PSME4: variants seen among roughly 807,000 people sequenced by gnomAD.
The protein encoded by PSME4 is proteasome activator subunit 4, also known as proteasome activator complex subunit 4.
In PSME4, 89 loss-of-function variants were observed where a neutral mutation model predicts 253.9. The observed-to-expected ratio is 0.35, with a 90% CI of 0.30 to 0.42. The LOEUF (loss-of-function observed/expected upper bound fraction) is 0.42, where lower values mean the gene tolerates loss of function less well. Ranked by LOEUF, PSME4 falls within the 10% of genes least tolerant of loss-of-function variation. The probability of loss-of-function intolerance (pLI) is 1.00; values close to 1 mark genes in which losing one functional copy is unlikely to be tolerated. For missense variants in PSME4, 2,014 were observed against 2,195.2 expected, an observed-to-expected ratio of 0.92 and a Z score of 1.65; for synonymous variants, 851 against 759.2, an observed-to-expected ratio of 1.12 and a Z score of -1.99.
chr2:53,882,614 G>GA (rs923392266), intron 41 of PSME4, among the ~76,000 whole-genome samples: 5 of 152,150 alleles, frequency 3.3e-5, no homozygotes, highest in Admixed American at 3.3e-4. Flanking sequence ...CCATGGAGAT[G>GA]AATTTGATCC....
chr2:53,870,179 A>G (rs1043838666), intron 43 of PSME4: 6 of 152,238 alleles, frequency 3.9e-5, no homozygotes, highest in African/African-American at 1.4e-4. Context: ...ATACACAATG[A>G]TAATTTTAAA....
chr2:53,891,443 C>A (rs1287698325), intron 36 of PSME4, among the ~76,000 whole-genome samples: 1 of 152,108 alleles, frequency 6.6e-6, no homozygotes, highest in Non-Finnish European at 1.5e-5. Flanking sequence ...AAAGGATATA[C>A]CTTGATTTCA....
chr2:53,879,380 A>G (rs942805999), intron 41 of PSME4, among the ~76,000 whole-genome samples: 3 of 152,216 alleles, frequency 2.0e-5, no homozygotes, highest in Admixed American at 2.0e-4. Context: ...GTAATCCCTT[A>G]AAAGTCTCTT....
intron 21 of PSME4, among the ~76,000 whole-genome samples, chr2:53,909,533 G>T (rs1386684205): frequency 6.6e-6 from 1 of 152,078 alleles, no homozygotes; most frequent in Admixed American, 6.6e-5. Flanking sequence ...AATACAGACT[G>T]ACCCAATTTC....
At chr2:53,926,938 A>C (rs1186768443) in intron 12 of PSME4, among the ~76,000 whole-genome samples, 2 of 151,350 alleles carry the variant, frequency 1.3e-5, no homozygotes, top group East Asian at 3.9e-4. Flanking sequence ...ACATCACTGC[A>C]CTCCAGCCTG....
intron 35 of PSME4, among the ~76,000 whole-genome samples, 178 bp downstream of exon 35, chr2:53,893,496 T>A (rs528615808): frequency 3.3e-4 from 51 of 152,328 alleles, no homozygotes; most frequent in African/African-American, 1.2e-3. Flanking sequence ...CAATACTGGT[T>A]GTAATGTCTT....
chr2:53,948,597 C>T, intron 2 of PSME4, 60 bp from the exon 3 acceptor site: 2 of 1,032,704 alleles, frequency 1.9e-6, no homozygotes, highest in Non-Finnish European at 3.0e-6. Context: ...GTGTGTATAC[C>T]ACAAATACTA....
chr2:53,882,470 C>CA (rs1277358964), intron 41 of PSME4, among the ~76,000 whole-genome samples: 1 of 152,148 alleles, frequency 6.6e-6, no homozygotes, highest in Non-Finnish European at 1.5e-5. Flanking sequence ...CAATGAGGGA[C>CA]ACGTATTAAC....
At chr2:53,932,591 C>A in intron 9 of PSME4, 77 bp downstream of exon 9, 2 of 1,201,456 alleles carry the variant, frequency 1.7e-6, no homozygotes, top group South Asian at 2.4e-5. Flanking sequence ...TATTACAGGT[C>A]ACACAATAGG....
rs1679972820 is a variant in PSME4, at chr2:53,892,871, C to G, written c.4128G>C (p.Gln1376His). 4 of 1,613,768 alleles carry G rather than the reference C, an allele frequency of 2.5e-6. No homozygotes were observed. In the African/African-American group the frequency reaches 4.0e-5, roughly 16 times the overall value. ...HLVADSHEST[Q>H]RCVAEIIAGL... ...CAGCTATAATTTCTGCAACACATCG[C>G]TGGGTGCTTTCATGTGAATCTGCAA... Residue 1376 changes from glutamine to histidine, a missense_variant, in exon 36 of 47, where the codon CAG becomes CAC. This residue lies in a region of PSME4 where 403 missense variants were observed against 556.1 expected (regional missense o/e 0.72). Transcript: ENST00000404125.
At chr2:53,902,499 A>G (rs1225178613) in intron 27 of PSME4, among the ~76,000 whole-genome samples, 2 of 152,098 alleles carry the variant, frequency 1.3e-5, no homozygotes, top group East Asian at 3.9e-4. Context: ...CCACTCCTCT[A>G]CAGGTTCTCT....
intron 27 of PSME4, among the ~76,000 whole-genome samples, chr2:53,903,368 C>T (rs1470284917): frequency 6.6e-6 from 1 of 152,072 alleles, no homozygotes; most frequent in African/African-American, 2.4e-5. Flanking sequence ...TTTCAGTCCC[C>T]TCATATTCAA....
chr2:53,908,327 T>C lies in PSME4; in HGVS notation c.2777A>G (p.Glu926Gly), dbSNP rs1350681730. The change falls in exon 24 of 47, where the codon GAA becomes GGA. Residue 926 changes from glutamate to glycine, a missense_variant. Physicochemically the swap from Glu to Gly is moderately conservative, Grantham distance 98. Transcript: ENST00000404125. ...TTAGGTGAAAATACTGACCCGATTT[T>C]CCATTGATTTCTTTACTAAGTTGAA... ...KSFNLVKKSM[E>G]NRLHGKKQHI... The C allele has an allele frequency of 6.2e-7, 1 of 1,608,934 alleles. No individual in the cohort carries two copies. Among genetic ancestry groups the C allele is most frequent in the South Asian group, 1.1e-5 (1 of 90,682 alleles).
At chr2:53,947,256 G>C (rs1370846503) in intron 3 of PSME4, among the ~76,000 whole-genome samples, 1 of 152,124 alleles carries the variant, frequency 6.6e-6, no homozygotes, top group Non-Finnish European at 1.5e-5. Context: ...TAAAGGCTGA[G>C]GGTTAATCAT....
intron 19 of PSME4, 38 bp downstream of exon 19, chr2:53,920,155 C>T (rs1668230766): frequency 6.5e-7 from 1 of 1,532,620 alleles, no homozygotes; most frequent in Non-Finnish European, 8.8e-7. Context: ...CTTCTTTAGT[C>T]TGCAACTGAA....
rs373632002 is a variant in PSME4, at chr2:53,920,101, G to A, written c.2420+92C>T. On this transcript the variant is annotated intron_variant, in intron 19 of 46. Coordinates refer to ENST00000404125, the MANE Select transcript of PSME4 (RefSeq NM_014614.3). The stretch of plus-strand genomic sequence containing the variant: ...TATAGCAGATTTTCAAAACACAATT[G>A]AAAATTAATACATGAGATATGCCAC... The A allele has an allele frequency of 1.2e-4, 137 of 1,138,992 alleles. 1 individual carries two copies. The South Asian group carries it at 3.0e-3, about 25-fold the overall frequency. The allele number at this position is 1,138,992 out of a possible 1,614,324, so 70.6% of individuals were successfully genotyped here. A position where few individuals can be genotyped will look rare whatever the true frequency, so the allele number is the denominator to read the frequency against.
rs754829830 is a variant in PSME4 at position 53,874,213 on chromosome 2, G to A, written c.5100+126C>T. ...GGCATCAAGTGATCTCACTGACTTC[G>A]TCTCTCAAAGAGTTGAGGTTATAAA... is the stretch of plus-strand genomic sequence containing the variant. On this transcript the variant is annotated intron_variant, in intron 43 of 46. Coordinates refer to ENST00000404125, the MANE Select transcript of PSME4 (RefSeq NM_014614.3). 5.3e-5 allele frequency: 49 copies of A among 928,826 alleles called. No homozygotes were observed. The East Asian group carries it at 6.4e-4, about 12-fold the overall frequency. The allele number at this position is 928,826 out of a possible 1,614,324, so 57.5% of individuals were successfully genotyped here. A position where few individuals can be genotyped will look rare whatever the true frequency, so the allele number is the denominator to read the frequency against.
In PSME4 at chr2:53,921,116, G is replaced by GA. The variant is rs376854884; in HGVS notation, c.2047-13dup. ...TCCACTCGAGTAATCTAAAAGGAGGGAAAAAATAGTTGAAGATATTTTGGT... is the reference window on the plus strand; with the variant it reads ...TCCACTCGAGTAATCTAAAAGGAGGGAAAAAAATAGTTGAAGATATTTTGGT... On this transcript the variant is annotated splice_polypyrimidine_tract_variant and intron_variant, in intron 17 of 46. Coordinates refer to ENST00000404125, the MANE Select transcript of PSME4 (RefSeq NM_014614.3). 1.9e-3 allele frequency: 2,986 copies of GA among 1,608,774 alleles called. 13 individuals are homozygous for GA. Among genetic ancestry groups the GA allele is most frequent in the Middle Eastern group, 0.014 (82 of 5,836 alleles).
At chr2:53,922,427 T>C (rs1183690165) in intron 17 of PSME4, 90 bp downstream of exon 17, 2 of 1,374,008 alleles carry the variant, frequency 1.5e-6, no homozygotes, top group African/African-American at 2.9e-5. Context: ...TTTTCATATG[T>C]TTTAAAGTCA....
Sources: gnomAD v4.1 joint callset for allele counts (sites outside exome capture counted in the v4.1 genomes callset) on GRCh38, gnomAD v4.1.1 for gene constraint, gnomAD v4.1.1 regional missense constraint, MANE v1.5 for transcripts, NCBI Gene and HGNC (gene_info 2026-07-23, HGNC 2026-07-21) for gene names.